The following RAB7B variants were observed in gnomAD, a reference collection of about 807,000 sequenced individuals.
The protein encoded by RAB7B is ras-related protein Rab-7b.
In RAB7B at chr1:205,984,899, C is replaced by T. The variant is rs931451540; in HGVS notation, c.522+641G>A. On this transcript the variant is annotated intron_variant, in intron 5 of 5. Transcript: ENST00000617070. ...CCCTCTCCCTCCTCCCTGCCTCCTC[C>T]CAGCCCCCTCTCCTTCCCTGCAGCA... Among the ~76,000 whole-genome samples the T allele has an allele frequency of 7.9e-5, 12 of 152,230 alleles. No individual in the cohort carries two copies. The East Asian group carries it at 2.1e-3, about 27-fold the overall frequency.
At chr1:205,994,879 T>C (rs1202411828) in intron 1 of RAB7B, among the ~76,000 whole-genome samples, 2 of 152,348 alleles carry the variant, frequency 1.3e-5, no homozygotes, top group East Asian at 3.9e-4. Context: ...AGTCATTAAA[T>C]GGAGTTTTTG....
intron 4 of RAB7B, 99 bp from the exon 5 acceptor site, chr1:205,985,764 C>CCCCACCAGGCCCACCCGG (rs1571792781): frequency 7.6e-6 from 1 of 131,472 alleles, no homozygotes. Flanking sequence ...GGCCCACCAT[C>CCCCACCAGGCCCACCCGG]CCCACCATCC....
chr1:205,992,627 G>A lies in RAB7B; in HGVS notation c.249C>T (p.Gly83=). The A allele has an allele frequency of 2.5e-6, 1 of 398,786 alleles. No individual in the cohort carries two copies. The highest frequency in any genetic ancestry group is 4.4e-6 in the Non-Finnish European group (1 of 226,166). 24.7% of individuals were successfully genotyped at this position (398,786 alleles called of 1,614,324 possible). The part of the protein sequence containing the change: ...MVSTFYKGSD[G]CILAFDVTDL... ...CGGTGACATCAAAAGCTAGGATGCA[G>A]CCATCGGAGCCCTTGTAGAACGTGG... Residue 83 remains glycine (G), a synonymous_variant, in exon 4 of 6, where the codon GGC becomes GGT. Coordinates refer to ENST00000617070, the MANE Select transcript of RAB7B (RefSeq NM_001164522.3).
At chr1:205,998,932 T>C (rs1190733052) in intron 1 of RAB7B, among the ~76,000 whole-genome samples, 8 of 152,226 alleles carry the variant, frequency 5.3e-5, no homozygotes, top group African/African-American at 1.9e-4. Context: ...TTATCTGTTT[T>C]ACCATTGAAG....
intron 1 of RAB7B, among the ~76,000 whole-genome samples, chr1:205,998,164 G>A (rs1350895605): frequency 2.6e-5 from 4 of 152,134 alleles, no homozygotes; most frequent in Non-Finnish European, 5.9e-5. Flanking sequence ...GACCAGCCTG[G>A]TCAACATGGT....
rs1020934195 is a variant in RAB7B at position 205,979,656 on chromosome 1, C to T, written c.523-728G>A. On this transcript the variant is annotated intron_variant, in intron 5 of 5. Transcript: ENST00000617070. ...TTCTTCAAGGGATCCCATCTCTTCA[C>T]GCTGCTATGGCCTCTGCTAGTCACA... is the stretch of plus-strand genomic sequence containing the variant. 5.3e-5 allele frequency among the ~76,000 whole-genome samples: 8 copies of T among 152,272 alleles called. No homozygotes were observed. In the East Asian group the frequency reaches 1.4e-3, roughly 26 times the overall value.
chr1:205,999,233 T>A (rs1263538598), intron 1 of RAB7B, among the ~76,000 whole-genome samples: 1 of 152,134 alleles, frequency 6.6e-6, no homozygotes, highest in East Asian at 1.9e-4. Context: ...AAGGTGTGTG[T>A]GAGACATATA....
rs1260182520 is a variant in RAB7B, at chr1:205,999,768, T to A, written c.-17+3485A>T. On this transcript the variant is annotated intron_variant, in intron 1 of 5. Coordinates refer to ENST00000617070, the MANE Select transcript of RAB7B (RefSeq NM_001164522.3). The stretch of plus-strand genomic sequence containing the variant: ...ACAATTAGCTGTTTTATTATTTATT[T>A]ATTTATCTGTCTATTTAGAGACAGG... Among the ~76,000 whole-genome samples, 5 of 152,328 alleles carry A rather than the reference T, an allele frequency of 3.3e-5. No individual in the cohort carries two copies. In the East Asian group the frequency reaches 9.6e-4, roughly 29 times the overall value.
intron 1 of RAB7B, among the ~76,000 whole-genome samples, chr1:205,996,282 G>C (rs1374494309): frequency 6.6e-6 from 1 of 151,744 alleles, no homozygotes; most frequent in African/African-American, 2.4e-5. Context: ...CCCAATTCCT[G>C]GTTCTTTTGT....
rs927684480 is a variant in RAB7B at position 205,984,543 on chromosome 1, A to T, written c.522+997T>A. On this transcript the variant is annotated intron_variant, in intron 5 of 5. Transcript: ENST00000617070. The stretch of plus-strand genomic sequence containing the variant: ...GTTGATGAGATGTGGCAGAATGATG[A>T]CACAAGCTGAGCCCCTCCCCATGCC... Among the ~76,000 whole-genome samples the T allele has an allele frequency of 2.6e-5, 4 of 152,260 alleles. No individual in the cohort carries two copies. The East Asian group carries it at 7.7e-4, about 29-fold the overall frequency.
At chr1:205,998,281 G>T (rs1018885750) in intron 1 of RAB7B, among the ~76,000 whole-genome samples, 1 of 152,144 alleles carries the variant, frequency 6.6e-6, no homozygotes, top group African/African-American at 2.4e-5. Context: ...ACTTGAACCC[G>T]GGAGGCAGAG....
intron 1 of RAB7B, among the ~76,000 whole-genome samples, chr1:205,997,376 G>A (rs1266401564): frequency 2.0e-5 from 3 of 152,172 alleles, no homozygotes; most frequent in Admixed American, 6.5e-5. Context: ...GCAGAACTAG[G>A]TCCTGAAGAA....
chr1:205,984,718 T>C (rs1459083848), intron 5 of RAB7B, among the ~76,000 whole-genome samples: 1 of 152,234 alleles, frequency 6.6e-6, no homozygotes, highest in Non-Finnish European at 1.5e-5. Flanking sequence ...TGTGCTTACA[T>C]GAATGTCATT....
At chr1:205,994,059 C>A (rs1020150220) in intron 2 of RAB7B, 24 bp downstream of exon 2, 1 of 398,546 alleles carries the variant, frequency 2.5e-6, no homozygotes, top group Non-Finnish European at 4.4e-6. Context: ...TGCTTCCCAA[C>A]TCCCAGAGCT....
intron 1 of RAB7B, among the ~76,000 whole-genome samples, chr1:206,000,823 T>C (rs1341959632): frequency 1.3e-5 from 2 of 152,234 alleles, no homozygotes; most frequent in African/African-American, 2.4e-5. Context: ...AGCACCACCC[T>C]GTGCTTGAGT....
At chr1:205,996,084 A>G (rs1319632961) in intron 1 of RAB7B, among the ~76,000 whole-genome samples, 3 of 117,990 alleles carry the variant, frequency 2.5e-5, no homozygotes, top group Admixed American at 7.7e-5. Context: ...TTTTTAATAC[A>G]TTCTTTTTTT....
At chr1:205,985,204 G>A (rs1299052412) in intron 5 of RAB7B, among the ~76,000 whole-genome samples, 2 of 152,202 alleles carry the variant, frequency 1.3e-5, no homozygotes, top group Non-Finnish European at 2.9e-5. Context: ...ATGAAGATTG[G>A]ACTAGACCAT....
chr1:206,000,065 C>T lies in RAB7B; in HGVS notation c.-17+3188G>A, dbSNP rs886455421. On this transcript the variant is annotated intron_variant, in intron 1 of 5. Coordinates refer to ENST00000617070, the MANE Select transcript of RAB7B (RefSeq NM_001164522.3). ...TTGGCATTACAGGTGTGAGCCACCA[C>T]GCCTGGCCAAGGGCAGTTTTAAAAA... 7.2e-3 allele frequency among the ~76,000 whole-genome samples: 1,091 copies of T among 152,306 alleles called. 10 individuals carry two copies. The highest frequency in any genetic ancestry group is 0.025 in the African/African-American group (1,031 of 41,560).
At chr1:205,999,881 C>G (rs1032806397) in intron 1 of RAB7B, among the ~76,000 whole-genome samples, 96,517 of 152,124 alleles carry the variant, frequency 0.63, 33,441 homozygotes, top group East Asian at 0.99. Flanking sequence ...GATCCTCCCC[C>G]CTCAACCTCC....
Sources: allele counts gnomAD v4.1 joint callset (sites outside exome capture counted in the v4.1 genomes callset), GRCh38; gene constraint gnomAD v4.1.1; transcripts MANE v1.5; gene names NCBI Gene and HGNC (gene_info 2026-07-23, HGNC 2026-07-21).